The following PRKAG2 variants were observed in gnomAD, a reference collection of about 807,000 sequenced individuals.
PRKAG2 encodes 5'-AMP-activated protein kinase subunit gamma-2.
A neutral mutation model predicts 69.6 loss-of-function variants in PRKAG2; 26 were observed. That is an observed-to-expected ratio of 0.37 (90% CI 0.27 to 0.52). The LOEUF is 0.52. Among genes scored for constraint, PRKAG2 ranks in the 20% least tolerant of loss-of-function variants. PRKAG2 has a pLI of 0.90. For synonymous variants in PRKAG2, 293 were observed against 285.0 expected (o/e 1.03, Z -0.28); for missense variants, 557 against 740.0 (o/e 0.75, Z 2.87).
chr7:151,657,412 G>T (rs995238423), intron 4 of PRKAG2, among the ~76,000 whole-genome samples: 25 of 152,094 alleles, frequency 1.6e-4, no homozygotes, highest in African/African-American at 6.0e-4. Context: ...TGTGTGCCTG[G>T]TATAGGTCTT....
At chr7:151,801,406 C>T (rs1381432134) in intron 1 of PRKAG2, among the ~76,000 whole-genome samples, 1 of 85,498 alleles carries the variant, frequency 1.2e-5, no homozygotes, top group African/African-American at 5.9e-5. Flanking sequence ...CTCTCAGGCC[C>T]AGGCCCTTGG....
chr7:151,673,530 T>C (rs1366458224), intron 4 of PRKAG2, among the ~76,000 whole-genome samples: 2 of 152,180 alleles, frequency 1.3e-5, no homozygotes, highest in African/African-American at 2.4e-5. Flanking sequence ...CCCAATCAGA[T>C]TGTAAGCTCT....
chr7:151,729,378 C>T (rs80154754), intron 3 of PRKAG2, among the ~76,000 whole-genome samples: 3,264 of 125,584 alleles, frequency 0.026, 128 homozygotes, highest in African/African-American at 0.089. Context: ...CAGGGCTGGA[C>T]GGTTTTGGGT....
chr7:151,788,328 T>G lies in PRKAG2; in HGVS notation c.115-1787A>C, dbSNP rs772562083. Among the ~76,000 whole-genome samples, 5 of 152,236 alleles carry G rather than the reference T, an allele frequency of 3.3e-5. No homozygotes were observed. The highest frequency in any genetic ancestry group is 6.5e-5 in the Admixed American group (1 of 15,286). Reference sequence around the variant, plus strand: ...GGCGTGAGCTGGTATCTCATTGTGGTTTTGATTTGCATTTCTTGGATAATT... The same window carrying G: ...GGCGTGAGCTGGTATCTCATTGTGGGTTTGATTTGCATTTCTTGGATAATT... On this transcript the variant is annotated intron_variant, in intron 1 of 15. Coordinates refer to ENST00000287878, the MANE Select transcript of PRKAG2 (RefSeq NM_016203.4). The surrounding 1 kb of genome is among the most constrained non-coding windows in gnomAD (Gnocchi z 4.6).
chr7:151,813,600 G>A (rs1586651756), intron 1 of PRKAG2, among the ~76,000 whole-genome samples: 1 of 152,172 alleles, frequency 6.6e-6, no homozygotes, highest in Admixed American at 6.5e-5. Context: ...TTTCCAGCCT[G>A]CAGCTCTACT....
At chr7:151,830,847 C>T (rs1037416542) in intron 1 of PRKAG2, among the ~76,000 whole-genome samples, 1 of 151,782 alleles carries the variant, frequency 6.6e-6, no homozygotes, top group Admixed American at 6.6e-5. Flanking sequence ...TTATTCTACA[C>T]ATGTTGTGCT....
intron 4 of PRKAG2, among the ~76,000 whole-genome samples, chr7:151,668,461 T>C (rs867008784): frequency 5.3e-5 from 8 of 151,900 alleles, no homozygotes; most frequent in Middle Eastern, 3.4e-3. Context: ...ATTCAGACTA[T>C]AGAATATGTC....
chr7:151,709,644 CAT>C (rs1303510539), intron 3 of PRKAG2, among the ~76,000 whole-genome samples: 2 of 152,096 alleles, frequency 1.3e-5, no homozygotes, highest in Non-Finnish European at 2.9e-5. Context: ...CTGTCAGTGA[CAT>C]GATATATGTG....
intron 3 of PRKAG2, chr7:151,735,805 G>T: frequency 6.8e-7 from 1 of 1,461,740 alleles, no homozygotes; most frequent in Non-Finnish European, 9.2e-7. Flanking sequence ...GAGAGTGGCT[G>T]GAAACAGCTA....
chr7:151,733,166 C>A (rs190410133), intron 3 of PRKAG2, among the ~76,000 whole-genome samples: 4 of 152,368 alleles, frequency 2.6e-5, no homozygotes, highest in Admixed American at 2.6e-4. Context: ...CCGCCTCCCA[C>A]CCAGCCTAGC....
At chr7:151,651,275 G>A (rs1828448514) in intron 4 of PRKAG2, among the ~76,000 whole-genome samples, 1 of 152,134 alleles carries the variant, frequency 6.6e-6, no homozygotes, top group South Asian at 2.1e-4. Context: ...CTAATGCATG[G>A]TATTATAAAA....
At chr7:151,615,014 C>A (rs1819748806) in intron 5 of PRKAG2, among the ~76,000 whole-genome samples, 1 of 152,030 alleles carries the variant, frequency 6.6e-6, no homozygotes, top group Non-Finnish European at 1.5e-5. Context: ...CCAGAGGGAA[C>A]CCCGAGACAG....
chr7:151,690,922 G>C lies in PRKAG2; in HGVS notation c.467-15285C>G, dbSNP rs1424479396. ...CGCTTATCGCTATCCCATGGGGCCT[G>C]GTGCACTGTCCCAGCTCAAGAAAGA... On this transcript the variant is annotated intron_variant, in intron 3 of 15. Coordinates refer to ENST00000287878, the MANE Select transcript of PRKAG2 (RefSeq NM_016203.4). 2.0e-5 allele frequency among the ~76,000 whole-genome samples: 3 copies of C among 152,176 alleles called. No homozygotes were observed. The East Asian group carries it at 5.8e-4, about 29-fold the overall frequency.
intron 5 of PRKAG2, among the ~76,000 whole-genome samples, chr7:151,609,105 T>C (rs1276871803): frequency 2.0e-5 from 3 of 152,248 alleles, no homozygotes; most frequent in Non-Finnish European, 4.4e-5. Context: ...AGCTATTTTC[T>C]AATTCTATTA....
At chr7:151,655,447 G>A (rs552840960) in intron 4 of PRKAG2, among the ~76,000 whole-genome samples, 2 of 152,270 alleles carry the variant, frequency 1.3e-5, no homozygotes, top group South Asian at 2.1e-4. Context: ...TTGGTGGCTT[G>A]GCAGCCTCTC....
chr7:151,599,809 A>C (rs1258563891), intron 5 of PRKAG2, among the ~76,000 whole-genome samples: 3 of 152,142 alleles, frequency 2.0e-5, no homozygotes, highest in Admixed American at 6.5e-5. Flanking sequence ...GTACTGGTTC[A>C]TGGCCCCAGG....
chr7:151,792,959 GC>G (rs2077335165), intron 1 of PRKAG2, among the ~76,000 whole-genome samples: 1 of 152,198 alleles, frequency 6.6e-6, no homozygotes, highest in Admixed American at 6.5e-5. Context: ...CTGAGCCGGA[GC>G]CCCAGCTCTG....
At chr7:151,630,318 A>G (rs558973177) in intron 5 of PRKAG2, among the ~76,000 whole-genome samples, 1 of 152,368 alleles carries the variant, frequency 6.6e-6, no homozygotes, top group Admixed American at 6.5e-5. Context: ...CAGGACACCA[A>G]ATCTGTGTTG....
At chr7:151,832,883 C>T (rs1400290554) in intron 1 of PRKAG2, among the ~76,000 whole-genome samples, 1 of 152,192 alleles carries the variant, frequency 6.6e-6, no homozygotes, top group Admixed American at 6.5e-5. Flanking sequence ...CGTGCCCTGA[C>T]CCCACGTTGC....
Sources: allele counts gnomAD v4.1 joint callset (sites outside exome capture counted in the v4.1 genomes callset), GRCh38; gene constraint gnomAD v4.1.1; non-coding constraint Gnocchi (gnomAD v3.1); transcripts MANE v1.5; gene names NCBI Gene and HGNC (gene_info 2026-07-23, HGNC 2026-07-21).